The following COPG2 variants were observed in gnomAD, a reference collection of about 807,000 sequenced individuals.
COPG2 encodes coat protein complex I subunit gamma 2, also known as coatomer subunit gamma-2.
A neutral mutation model predicts 46.3 loss-of-function variants in COPG2; 37 were observed. The ratio of observed to expected loss-of-function variants is 0.80; its 90% CI spans 0.61 to 1.05. COPG2 has a LOEUF of 1.05. Ranked by LOEUF, COPG2 falls within the 50% of genes least tolerant of loss-of-function variation. The probability of loss-of-function intolerance (pLI) is 0.00; values close to 1 mark genes in which losing one functional copy is unlikely to be tolerated. For synonymous variants in COPG2, 159 were observed against 129.7 expected, an observed-to-expected ratio of 1.23 and a Z score of -1.53; for missense variants, 427 against 387.8, an observed-to-expected ratio of 1.10 and a Z score of -0.85.
intron 20 of COPG2, among the ~76,000 whole-genome samples, chr7:130,521,892 C>G (rs909686242): frequency 2.6e-5 from 4 of 152,078 alleles, no homozygotes; most frequent in Non-Finnish European, 5.9e-5. Context: ...CAGAAGACAA[C>G]TATATGCATC....
rs985014405 is a variant in COPG2 at position 130,525,967 on chromosome 7, C to T, written c.2150-17308G>A. Among the ~76,000 whole-genome samples the T allele has an allele frequency of 5.3e-5, 8 of 152,206 alleles. No individual in the cohort carries two copies. The South Asian group carries it at 1.7e-3, about 32-fold the overall frequency. On this transcript the variant is annotated intron_variant, in intron 20 of 23. Coordinates refer to ENST00000425248, the MANE Select transcript of COPG2 (RefSeq NM_012133.6). ...GGAAAGAAGAAATGAGTGACCTGGA[C>T]AGCCTGAATGGGTAACGAAAGGGTA...
chr7:130,613,338 C>T (rs571032581), intron 7 of COPG2, among the ~76,000 whole-genome samples: 1 of 152,314 alleles, frequency 6.6e-6, no homozygotes, highest in African/African-American at 2.4e-5. Context: ...GCTGTGCAGC[C>T]CAGTTCCTGA....
At chr7:130,637,890 C>T (rs1223961874) in intron 5 of COPG2, among the ~76,000 whole-genome samples, 4 of 152,134 alleles carry the variant, frequency 2.6e-5, no homozygotes, top group Non-Finnish European at 5.9e-5. Flanking sequence ...TGTTGGTGAC[C>T]TTCAGATGGG....
At chr7:130,656,927 T>C (rs1371314904) in intron 4 of COPG2, among the ~76,000 whole-genome samples, 4 of 150,714 alleles carry the variant, frequency 2.7e-5, no homozygotes, top group Non-Finnish European at 5.9e-5. Flanking sequence ...AGCATTTTTA[T>C]ATCTATATAA....
intron 9 of COPG2, among the ~76,000 whole-genome samples, chr7:130,576,677 G>A (rs553552632): frequency 3.3e-5 from 5 of 151,970 alleles, no homozygotes; most frequent in African/African-American, 1.2e-4. Context: ...GACATTATAA[G>A]GATACACCTC....
intron 21 of COPG2, 126 bp from the exon 22 acceptor site, chr7:130,507,949 T>G: frequency 3.0e-6 from 2 of 655,962 alleles, no homozygotes; most frequent in Non-Finnish European, 5.5e-6. Context: ...TTAAGTTCTG[T>G]AGTCTGGATA....
At chr7:130,535,674 G>T (rs1448373701) in intron 20 of COPG2, among the ~76,000 whole-genome samples, 1 of 123,110 alleles carries the variant, frequency 8.1e-6, no homozygotes, top group African/African-American at 3.0e-5. Flanking sequence ...TGGGGTTTGG[G>T]TATGGGATGA....
intron 12 of COPG2, among the ~76,000 whole-genome samples, chr7:130,558,028 C>T (rs1167103250): frequency 1.3e-5 from 2 of 151,644 alleles, no homozygotes; most frequent in Non-Finnish European, 2.9e-5. Flanking sequence ...TTTGTATGAA[C>T]ATACAAACTC....
chr7:130,554,620 A>G lies in COPG2; in HGVS notation c.1329T>C (p.Ile443=), dbSNP rs1793589308. The change falls in exon 14 of 24, where the codon ATT becomes ATC. Residue 443 remains isoleucine, a synonymous_variant. Transcript: ENST00000425248. ...CCAGAACAGTGTGTTCACAGTCCTC[A>G]ATGAATTCACAAAGGTGGGCTAGGC... ...EAGLAHLCEF[I]EDCEHTVLAT... 9 of 398,520 alleles carry G rather than the reference A, an allele frequency of 2.3e-5. No homozygotes were observed. Among genetic ancestry groups the G allele is most frequent in the South Asian group, 2.5e-4 (2 of 7,860 alleles). The allele number at this position is 398,520 out of a possible 1,614,324, so 24.7% of individuals were successfully genotyped here.
chr7:130,650,066 C>G (rs1486958049), intron 5 of COPG2, among the ~76,000 whole-genome samples: 1 of 152,152 alleles, frequency 6.6e-6, no homozygotes, highest in Admixed American at 6.5e-5. Flanking sequence ...TAGAGGTTAC[C>G]ACATTCCTTG....
Position 130,623,845 on chromosome 7 carries a change from A to AT in COPG2, c.324-6781dup, listed in dbSNP as rs200106997. ...AGGAAAAAAATTGAAAAATAAAACA[A>AT]TTTTTTTTTTCAAAAAACAAGGTAT... On this transcript the variant is annotated intron_variant, in intron 5 of 23. Transcript: ENST00000425248. Among the ~76,000 whole-genome samples the AT allele has an allele frequency of 1.8e-3, 272 of 150,234 alleles. 2 individuals are homozygous for AT. Among genetic ancestry groups the AT allele is most frequent in the East Asian group, 0.012 (63 of 5,142 alleles).
chr7:130,509,179 A>C (rs1209271163), intron 20 of COPG2: 4 of 451,318 alleles, frequency 8.9e-6, no homozygotes, highest in African/African-American at 8.1e-5. Context: ...TTTATCTGTC[A>C]ACCTTCAGCC....
At position 130,533,048 on chromosome 7, in the gene COPG2, C is replaced by G. The variant is rs891953242; in HGVS notation, c.2149+14626G>C. Among the ~76,000 whole-genome samples, 18 of 151,980 alleles carry G rather than the reference C, an allele frequency of 1.2e-4. No homozygotes were observed. In the East Asian group the frequency reaches 1.4e-3, roughly 12 times the overall value. On this transcript the variant is annotated intron_variant, in intron 20 of 23. Transcript: ENST00000425248. ...GAGAGCAGAGGGTGAGTTTGCAGCA[C>G]GTGGAAAAGCAGGACAGAGGAGAGG...
intron 5 of COPG2, among the ~76,000 whole-genome samples, chr7:130,634,718 T>C (rs781979076): frequency 2.0e-5 from 3 of 152,170 alleles, no homozygotes; most frequent in Non-Finnish European, 4.4e-5. Context: ...TCTTGCTTAA[T>C]AGCCCTAGCC....
intron 9 of COPG2, among the ~76,000 whole-genome samples, chr7:130,572,180 A>C (rs1369941163): frequency 6.6e-6 from 1 of 152,110 alleles, no homozygotes; most frequent in African/African-American, 2.4e-5. Context: ...AAATCTCAGA[A>C]ATCACCTCTG....
intron 20 of COPG2, among the ~76,000 whole-genome samples, chr7:130,519,367 GGACTTAAAA>G (rs1799707159): frequency 6.6e-6 from 1 of 152,142 alleles, no homozygotes; most frequent in Admixed American, 6.5e-5. Flanking sequence ...TTAATGCGAC[GGACTTAAAA>G]TGGGTCAGAG....
At chr7:130,593,061 A>G (rs1563053348) in intron 9 of COPG2, among the ~76,000 whole-genome samples, 1 of 152,236 alleles carries the variant, frequency 6.6e-6, no homozygotes, top group African/African-American at 2.4e-5. Context: ...TTTTCCTCCA[A>G]TGAATATTAC....
At chr7:130,587,755 AC>A (rs1411087341) in intron 9 of COPG2, among the ~76,000 whole-genome samples, 48 of 152,186 alleles carry the variant, frequency 3.2e-4, no homozygotes, top group Non-Finnish European at 6.5e-4. Flanking sequence ...TGTCTAAAAC[AC>A]CAAAAGCAAT....
chr7:130,530,669 AAGG>A (rs1297325255), intron 20 of COPG2, among the ~76,000 whole-genome samples: 2 of 152,104 alleles, frequency 1.3e-5, no homozygotes, highest in Admixed American at 6.5e-5. Flanking sequence ...CCAAGGAAGC[AAGG>A]AGAAGAAATG....
Sources: allele counts gnomAD v4.1 joint callset (sites outside exome capture counted in the v4.1 genomes callset), GRCh38; gene constraint gnomAD v4.1.1; transcripts MANE v1.5; gene names NCBI Gene and HGNC (gene_info 2026-07-23, HGNC 2026-07-21).